The following LRP1B variants were observed in gnomAD, a reference collection of about 807,000 sequenced individuals.
LRP1B encodes LDL receptor related protein 1B, also known as low-density lipoprotein receptor-related protein 1B.
A neutral mutation model predicts 556.6 loss-of-function variants in LRP1B; 217 were observed. The ratio of observed to expected loss-of-function variants is 0.39; its 90% CI spans 0.35 to 0.44. LRP1B has a LOEUF of 0.44. Among genes scored for constraint, LRP1B ranks in the 20% least tolerant of loss-of-function variants. The pLI, the probability that LRP1B is intolerant of heterozygous loss-of-function variation, is 1.00. For missense variants in LRP1B, 5,053 were observed against 5,620.8 expected, an observed-to-expected ratio of 0.90 and a Z score of 3.23; for synonymous variants, 2,047 against 1,865.8, an observed-to-expected ratio of 1.10 and a Z score of -2.50.
At chr2:140,375,173 ATGTG>A (rs34597866) in intron 68 of LRP1B, among the ~76,000 whole-genome samples, 8,581 of 144,042 alleles carry the variant, frequency 0.06, 309 homozygotes, top group East Asian at 0.15. Flanking sequence ...TACTGTGTGT[ATGTG>A]TGTGTGTGTG....
intron 7 of LRP1B, among the ~76,000 whole-genome samples, chr2:141,134,778 T>C (rs1160138681): frequency 1.3e-5 from 2 of 151,596 alleles, no homozygotes; most frequent in African/African-American, 2.4e-5. Flanking sequence ...AAATATATCA[T>C]GGATAAGCTT....
chr2:140,427,138 G>C (rs745427289), intron 66 of LRP1B, among the ~76,000 whole-genome samples: 1 of 152,120 alleles, frequency 6.6e-6, no homozygotes, highest in African/African-American at 2.4e-5. Flanking sequence ...TCACGGACTC[G>C]GGAAGGCAGC....
rs565548504 is a variant in LRP1B, at chr2:140,684,833, C to T, written c.6799+15417G>A. On this transcript the variant is annotated intron_variant, in intron 41 of 90. Coordinates refer to ENST00000389484, the MANE Select transcript of LRP1B (RefSeq NM_018557.3). ...TAAATTATAATCTGGGCCCAAGATG[C>T]GAGGGGTTGGAGACAGAGAAGTGTT... Among the ~76,000 whole-genome samples the T allele has an allele frequency of 9.9e-5, 15 of 152,150 alleles. No individual in the cohort carries two copies. In the East Asian group the frequency reaches 2.5e-3, roughly 25 times the overall value.
At chr2:141,123,516 C>A (rs1421134925) in intron 7 of LRP1B, among the ~76,000 whole-genome samples, 1 of 151,966 alleles carries the variant, frequency 6.6e-6, no homozygotes, top group Non-Finnish European at 1.5e-5. Flanking sequence ...AACTGATATT[C>A]TACACAAATT....
chr2:140,885,837 A>T, intron 24 of LRP1B, among the ~76,000 whole-genome samples: 1 of 151,346 alleles, frequency 6.6e-6, no homozygotes, highest in Admixed American at 6.6e-5. Flanking sequence ...AACTCCTAAA[A>T]ATGTGACTAA....
Position 141,960,260 on chromosome 2 carries a change from T to C in LRP1B, c.83-149859A>G, listed in dbSNP as rs541978297. Among the ~76,000 whole-genome samples the C allele has an allele frequency of 1.6e-4, 25 of 151,962 alleles. No individual in the cohort carries two copies. The South Asian group carries it at 5.0e-3, about 30-fold the overall frequency. On this transcript the variant is annotated intron_variant, in intron 1 of 90. Transcript: ENST00000389484. ...GATTTTTCTGAAGTCTCACAGCTAA[T>C]TGGCAGCAAAATCAAGTCTTATCCC...
chr2:142,002,488 T>C (rs1702683092), intron 1 of LRP1B, among the ~76,000 whole-genome samples: 1 of 151,682 alleles, frequency 6.6e-6, no homozygotes. Flanking sequence ...GCTAGCCCTT[T>C]TATTTCACTG....
intron 3 of LRP1B, among the ~76,000 whole-genome samples, chr2:141,271,016 T>A (rs1685070022): frequency 6.6e-6 from 1 of 151,858 alleles, no homozygotes; most frequent in African/African-American, 2.4e-5. Flanking sequence ...ATAAAGGGAA[T>A]GAATGCCCCA....
intron 33 of LRP1B, among the ~76,000 whole-genome samples, chr2:140,775,583 C>T (rs1219679251): frequency 2.7e-5 from 4 of 149,802 alleles, no homozygotes; most frequent in African/African-American, 9.8e-5. Flanking sequence ...ATCTCTAATC[C>T]ATTTGCCATT....
chr2:141,147,067 G>C (rs1701803317), intron 7 of LRP1B, among the ~76,000 whole-genome samples: 1 of 152,134 alleles, frequency 6.6e-6, no homozygotes, highest in African/African-American at 2.4e-5. Context: ...AAGAGACTTA[G>C]GTTTTTCTTC....
At chr2:141,975,179 G>C (rs1412968867) in intron 1 of LRP1B, among the ~76,000 whole-genome samples, 1 of 151,978 alleles carries the variant, frequency 6.6e-6, no homozygotes, top group Non-Finnish European at 1.5e-5. Context: ...TACATGAACT[G>C]TTGTGTCTGA....
chr2:140,751,018 G>A (rs1389406690), intron 35 of LRP1B, among the ~76,000 whole-genome samples: 1 of 115,582 alleles, frequency 8.7e-6, no homozygotes, highest in Admixed American at 1.1e-4. Flanking sequence ...TTGAGATGAA[G>A]TCTTGCCATT....
chr2:140,564,522 T>C (rs746840405), intron 43 of LRP1B, among the ~76,000 whole-genome samples: 1 of 152,096 alleles, frequency 6.6e-6, no homozygotes, highest in Non-Finnish European at 1.5e-5. Flanking sequence ...AACACTAAAA[T>C]ATGAATACTC....
chr2:140,785,082 C>G (rs1305332921), intron 32 of LRP1B, among the ~76,000 whole-genome samples: 1 of 151,902 alleles, frequency 6.6e-6, no homozygotes, highest in African/African-American at 2.4e-5. Context: ...GAGTAATGAT[C>G]AAAAGACATT....
intron 66 of LRP1B, among the ~76,000 whole-genome samples, chr2:140,414,536 T>C (rs1267016760): frequency 6.6e-6 from 1 of 152,172 alleles, no homozygotes; most frequent in African/African-American, 2.4e-5. Context: ...TTGTGTTTTG[T>C]GGGAAGTCAG....
intron 2 of LRP1B, among the ~76,000 whole-genome samples, chr2:141,565,507 G>A (rs2105254432): frequency 6.6e-6 from 1 of 152,244 alleles, no homozygotes; most frequent in South Asian, 2.1e-4. Flanking sequence ...GCAAAATACA[G>A]CAGGTAATGA....
chr2:141,998,245 G>A (rs1702554479), intron 1 of LRP1B, among the ~76,000 whole-genome samples: 1 of 151,762 alleles, frequency 6.6e-6, no homozygotes, highest in South Asian at 2.1e-4. Flanking sequence ...TGTTTAACTT[G>A]GTATTCATTT....
intron 84 of LRP1B, among the ~76,000 whole-genome samples, chr2:140,286,858 A>C (rs1313103830): frequency 6.6e-6 from 1 of 151,844 alleles, no homozygotes; most frequent in East Asian, 1.9e-4. Flanking sequence ...AAATATCTGC[A>C]TTAATTTTAC....
At chr2:141,048,113 C>G (rs998677433) in intron 11 of LRP1B, among the ~76,000 whole-genome samples, 1 of 152,088 alleles carries the variant, frequency 6.6e-6, no homozygotes, top group African/African-American at 2.4e-5. Context: ...TTCCTTTTAT[C>G]TCCTGCGATA....
Sources: allele counts gnomAD v4.1 joint callset (sites outside exome capture counted in the v4.1 genomes callset), GRCh38; gene constraint gnomAD v4.1.1; transcripts MANE v1.5; gene names NCBI Gene and HGNC (gene_info 2026-07-23, HGNC 2026-07-21).